EPHA7: variants seen among roughly 807,000 people sequenced by gnomAD.
The protein encoded by EPHA7 is ephrin type-A receptor 7.
In EPHA7, 25 loss-of-function variants were observed where a neutral mutation model predicts 112.6. That is an observed-to-expected ratio of 0.22 (90% confidence interval 0.16 to 0.31). The LOEUF (loss-of-function observed/expected upper bound fraction) is 0.31, where lower values mean the gene tolerates loss of function less well. EPHA7 is among the 10% of genes least tolerant of loss of function. The pLI is 1.00. For synonymous variants in EPHA7, 437 were observed against 406.5 expected (o/e 1.07, Z -0.90); for missense variants, 962 against 1,212.6 (o/e 0.79, Z 3.07).
chr6:93,318,122 C>T (rs569418954), intron 5 of EPHA7, among the ~76,000 whole-genome samples: 73 of 152,268 alleles, frequency 4.8e-4, no homozygotes, highest in Non-Finnish European at 9.0e-4. Context: ...GTTAACATAT[C>T]TCTCTTGCTA....
At position 93,414,787 on chromosome 6, in the gene EPHA7, T is replaced by C. The variant is rs748724392; in HGVS notation, c.98-20A>G. 1 of 1,604,696 alleles carries C rather than the reference T, an allele frequency of 6.2e-7. No individual in the cohort carries two copies. The highest frequency in any genetic ancestry group is 8.5e-7 in the Non-Finnish European group (1 of 1,173,102). On this transcript the variant is annotated intron_variant, in intron 1 of 16. Coordinates refer to ENST00000369303, the MANE Select transcript of EPHA7 (RefSeq NM_004440.4). The stretch of plus-strand genomic sequence containing the variant: ...GTAGTACTGAAAAAGAAAGTTGTAT[T>C]TCCATATGTTACATGAAACACTTAC...
chr6:93,333,120 G>C (rs1289712621), intron 5 of EPHA7, among the ~76,000 whole-genome samples: 2 of 151,740 alleles, frequency 1.3e-5, no homozygotes, highest in African/African-American at 2.4e-5. Context: ...CCACTTGTAA[G>C]TGAGAACATG....
chr6:93,413,069 A>G (rs1053318149), intron 2 of EPHA7, among the ~76,000 whole-genome samples: 2 of 152,024 alleles, frequency 1.3e-5, no homozygotes, highest in African/African-American at 2.4e-5. Context: ...GACATTATGA[A>G]CATTTCCACA....
chr6:93,249,019 G>A lies in EPHA7; in HGVS notation c.2533-2034C>T, dbSNP rs186027170. 7.0e-4 allele frequency among the ~76,000 whole-genome samples: 106 copies of A among 152,258 alleles called. 2 individuals carry two copies. Among genetic ancestry groups the A allele is most frequent in the Admixed American group, 5.8e-3 (89 of 15,284 alleles). ...TCTTTACAAAGTTTCACACTGAGGTGTTTCTTTAAGTATTTTATTTTGAAC... is the reference window on the plus strand; with the variant it reads ...TCTTTACAAAGTTTCACACTGAGGTATTTCTTTAAGTATTTTATTTTGAAC... On this transcript the variant is annotated intron_variant, in intron 14 of 16. Transcript: ENST00000369303.
intron 3 of EPHA7, among the ~76,000 whole-genome samples, chr6:93,406,556 C>T (rs1778731352): frequency 1.3e-5 from 2 of 151,758 alleles, no homozygotes; most frequent in South Asian, 2.1e-4. Flanking sequence ...GAATTCTTAT[C>T]CAATTTTGTT....
chr6:93,373,851 A>T (rs904522531), intron 3 of EPHA7, among the ~76,000 whole-genome samples: 2 of 147,544 alleles, frequency 1.4e-5, no homozygotes, highest in Non-Finnish European at 3.0e-5. Context: ...TACAAAAGGT[A>T]AAAAAAAAAT....
chr6:93,405,809 G>GTATATATA (rs1778679029), intron 3 of EPHA7, among the ~76,000 whole-genome samples: 1 of 61,624 alleles, frequency 1.6e-5, no homozygotes, highest in Admixed American at 1.8e-4. Flanking sequence ...GTGTGTGTGT[G>GTATATATA]TGTGTATATA....
At chr6:93,357,092 A>T in intron 4 of EPHA7, 40 bp from the exon 5 acceptor site, 1 of 1,465,552 alleles carries the variant, frequency 6.8e-7, no homozygotes. Flanking sequence ...AAGCAAAAAT[A>T]GAAAAAAAAA....
chr6:93,242,695 T>TA lies in EPHA7; in HGVS notation c.*730dup. Reference sequence around the variant, plus strand: ...ATTATTGCTTTTTTCATTGAAAAGATAGTGTGTTGTCTGATCTTTACAAAA... The same window carrying TA: ...ATTATTGCTTTTTTCATTGAAAAGATAAGTGTGTTGTCTGATCTTTACAAAA... On this transcript the variant is annotated 3_prime_UTR_variant, in exon 17 of 17. Transcript: ENST00000369303. The TA allele has an allele frequency of 4.5e-6, 1 of 220,598 alleles. No homozygotes were observed. Among genetic ancestry groups the TA allele is most frequent in the Middle Eastern group, 1.4e-3 (1 of 722 alleles). 13.7% of individuals were successfully genotyped at this position (220,598 alleles called of 1,614,324 possible).
intron 5 of EPHA7, among the ~76,000 whole-genome samples, chr6:93,298,688 T>A (rs1772803471): frequency 6.6e-6 from 1 of 152,122 alleles, no homozygotes; most frequent in South Asian, 2.1e-4. Flanking sequence ...ATTTTGCCTA[T>A]CACATTGGCA....
intron 5 of EPHA7, among the ~76,000 whole-genome samples, chr6:93,297,323 T>A (rs960366224): frequency 1.3e-5 from 2 of 152,050 alleles, no homozygotes; most frequent in African/African-American, 4.8e-5. Flanking sequence ...AGACTCTACA[T>A]GAACTAGGCA....
chr6:93,357,445 T>C (rs1776006421), intron 4 of EPHA7, among the ~76,000 whole-genome samples: 2 of 152,190 alleles, frequency 1.3e-5, no homozygotes, highest in African/African-American at 4.8e-5. Context: ...TAACAGGGAA[T>C]ACATTTATTC....
intron 3 of EPHA7, among the ~76,000 whole-genome samples, chr6:93,393,809 C>T (rs1006636525): frequency 4.0e-5 from 6 of 151,760 alleles, no homozygotes; most frequent in African/African-American, 1.2e-4. Context: ...AAATCCACTG[C>T]CTTTTAGCCA....
At chr6:93,371,180 A>G (rs1218534419) in intron 3 of EPHA7, among the ~76,000 whole-genome samples, 1 of 151,732 alleles carries the variant, frequency 6.6e-6, no homozygotes, top group Non-Finnish European at 1.5e-5. Flanking sequence ...AAAAAAAAAA[A>G]GAAAAAGCAC....
chr6:93,342,652 A>G (rs1775199471), intron 5 of EPHA7, among the ~76,000 whole-genome samples: 1 of 151,784 alleles, frequency 6.6e-6, no homozygotes, highest in African/African-American at 2.4e-5. Context: ...TTGCCAGTAC[A>G]TTTATTTACA....
chr6:93,370,612 T>C (rs1480782772), intron 3 of EPHA7, among the ~76,000 whole-genome samples: 2 of 152,150 alleles, frequency 1.3e-5, no homozygotes, highest in Non-Finnish European at 2.9e-5. Context: ...ACATCTTTTG[T>C]TTTCTTTTAT....
chr6:93,400,414 G>A (rs146054599), intron 3 of EPHA7, among the ~76,000 whole-genome samples: 18 of 152,052 alleles, frequency 1.2e-4, no homozygotes, highest in African/African-American at 4.1e-4. Context: ...ATTTTATCAA[G>A]CAACTCCACA....
At chr6:93,247,773 C>T (rs1770023421) in intron 14 of EPHA7, among the ~76,000 whole-genome samples, 1 of 152,134 alleles carries the variant, frequency 6.6e-6, no homozygotes, top group Non-Finnish European at 1.5e-5. Context: ...TAGCATACCA[C>T]TGCCTAATAG....
chr6:93,326,341 T>C (rs189032536), intron 5 of EPHA7, among the ~76,000 whole-genome samples: 47 of 151,452 alleles, frequency 3.1e-4, no homozygotes, highest in East Asian at 1.4e-3. Flanking sequence ...CTGCACAACA[T>C]TCAGTGTCAT....
Sources: gnomAD v4.1 joint callset for allele counts (sites outside exome capture counted in the v4.1 genomes callset) on GRCh38, gnomAD v4.1.1 for gene constraint, MANE v1.5 for transcripts, NCBI Gene and HGNC (gene_info 2026-07-23, HGNC 2026-07-21) for gene names.